The following ANGPT2 variants were observed in gnomAD, a reference collection of about 807,000 sequenced individuals.
ANGPT2 encodes angiopoietin-2.
ANGPT2 carries 28 observed loss-of-function variants against 62.9 expected under a neutral mutation model. The ratio of observed to expected loss-of-function variants is 0.44; its 90% confidence interval spans 0.33 to 0.61. The LOEUF (loss-of-function observed/expected upper bound fraction) is 0.61. Ranked by LOEUF, ANGPT2 falls within the 20% of genes least tolerant of loss-of-function variation. ANGPT2 has a pLI of 0.03. For synonymous variants in ANGPT2, 284 were observed against 207.8 expected, an observed-to-expected ratio of 1.37 and a Z score of -3.15; for missense variants, 727 against 594.9, an observed-to-expected ratio of 1.22 and a Z score of -2.31.
At chr8:6,550,424 G>T (rs919445259) in intron 1 of ANGPT2, among the ~76,000 whole-genome samples, 1 of 152,220 alleles carries the variant, frequency 6.6e-6, no homozygotes, top group Non-Finnish European at 1.5e-5. Context: ...GCCGCTTGTT[G>T]CCCTGGCACC....
chr8:6,542,129 TG>T (rs1336253545), intron 1 of ANGPT2, among the ~76,000 whole-genome samples: 9 of 152,270 alleles, frequency 5.9e-5, no homozygotes, highest in Admixed American at 5.9e-4. Flanking sequence ...CCTTTTTAAA[TG>T]AAACTAGAGC....
At chr8:6,529,519 T>C (rs1351208391) in intron 2 of ANGPT2, among the ~76,000 whole-genome samples, 5 of 151,120 alleles carry the variant, frequency 3.3e-5, no homozygotes, top group Middle Eastern at 3.4e-3. Context: ...TGGCACCATA[T>C]CTGTTCACTA....
intron 1 of ANGPT2, among the ~76,000 whole-genome samples, chr8:6,560,213 T>C (rs568472766): frequency 4.6e-5 from 7 of 152,316 alleles, no homozygotes; most frequent in South Asian, 2.1e-4. Flanking sequence ...AAAGGAGATA[T>C]GGAAACATTT....
Position 6,563,069 on chromosome 8 carries a change from T to G in ANGPT2, c.-135A>C. The G allele has an allele frequency of 1.0e-6, 1 of 953,578 alleles. No individual in the cohort carries two copies. Among genetic ancestry groups the G allele is most frequent in the Non-Finnish European group, 1.5e-6 (1 of 663,070 alleles). 59.1% of individuals were successfully genotyped at this position (953,578 alleles called of 1,614,324 possible). ...GGTCCGTCAATGAAAGTCTTCTCTTTCCTCTTTTTCCAGTAGCAAACCTGG... is the reference window on the plus strand; with the variant it reads ...GGTCCGTCAATGAAAGTCTTCTCTTGCCTCTTTTTCCAGTAGCAAACCTGG... On this transcript the variant is annotated 5_prime_UTR_variant, in exon 1 of 9. Transcript: ENST00000629816.
chr8:6,544,732 A>G (rs1036918573), intron 1 of ANGPT2, among the ~76,000 whole-genome samples: 6 of 152,206 alleles, frequency 3.9e-5, no homozygotes, highest in Non-Finnish European at 5.9e-5. Flanking sequence ...CATTAAGATA[A>G]AGACACAGAT....
intron 1 of ANGPT2, among the ~76,000 whole-genome samples, chr8:6,550,220 T>C (rs1823388006): frequency 6.6e-6 from 1 of 152,206 alleles, no homozygotes; most frequent in Non-Finnish European, 1.5e-5. Context: ...TGGCTACCGC[T>C]AGGTGGCTGC....
chr8:6,553,203 G>T (rs535727961), intron 1 of ANGPT2, among the ~76,000 whole-genome samples: 20 of 152,296 alleles, frequency 1.3e-4, no homozygotes, highest in Middle Eastern at 3.4e-3. Context: ...TGCCACGGAG[G>T]GGGGATATGG....
At chr8:6,538,169 C>G (rs1000390548) in intron 1 of ANGPT2, among the ~76,000 whole-genome samples, 17 of 151,732 alleles carry the variant, frequency 1.1e-4, no homozygotes, top group African/African-American at 3.9e-4. Flanking sequence ...TCTAGTAAAC[C>G]CTTGAATTTT....
chr8:6,541,714 GA>G (rs1821608202), intron 1 of ANGPT2, among the ~76,000 whole-genome samples: 2 of 152,144 alleles, frequency 1.3e-5, no homozygotes, highest in Admixed American at 1.3e-4. Flanking sequence ...AAACTGTACT[GA>G]ATGTAGGGCC....
intron 2 of ANGPT2, among the ~76,000 whole-genome samples, chr8:6,530,773 A>G (rs1819347892): frequency 1.3e-5 from 2 of 152,096 alleles, no homozygotes; most frequent in African/African-American, 4.8e-5. Flanking sequence ...TCTTTTGTTA[A>G]TCTATCATTT....
intron 1 of ANGPT2, among the ~76,000 whole-genome samples, chr8:6,557,346 A>G (rs541228861): frequency 6.6e-6 from 1 of 152,248 alleles, no homozygotes; most frequent in South Asian, 2.1e-4. Context: ...TGTACTAGAG[A>G]TATTCTCGGG....
At chr8:6,548,846 T>A (rs1181685842) in intron 1 of ANGPT2, among the ~76,000 whole-genome samples, 1 of 152,216 alleles carries the variant, frequency 6.6e-6, no homozygotes, top group Middle Eastern at 3.2e-3. Context: ...GTCCTTCCTT[T>A]TATTCCCACC....
chr8:6,561,645 G>A (rs115683203), intron 1 of ANGPT2, among the ~76,000 whole-genome samples: 2 of 152,348 alleles, frequency 1.3e-5, no homozygotes, highest in African/African-American at 4.8e-5. Context: ...GCATTGTGAT[G>A]TAATGGCATC....
intron 1 of ANGPT2, among the ~76,000 whole-genome samples, chr8:6,535,284 T>C (rs1373613117): frequency 1.3e-5 from 2 of 152,178 alleles, no homozygotes; most frequent in African/African-American, 2.4e-5. Context: ...TCCAGAGATA[T>C]GAGAGGATTG....
chr8:6,549,819 A>C lies in ANGPT2; in HGVS notation c.288+12828T>G, dbSNP rs1005350479. On this transcript the variant is annotated intron_variant, in intron 1 of 8. Coordinates refer to ENST00000629816, the MANE Select transcript of ANGPT2 (RefSeq NM_001118887.2). ...ATTGCACAGGTGCGCACAGATACAA[A>C]AATTTACCAAGTTGTACACTCAAGA... 1.9e-4 allele frequency among the ~76,000 whole-genome samples: 29 copies of C among 152,238 alleles called. 1 individual carries two copies. Among genetic ancestry groups the C allele is most frequent in the African/African-American group, 6.8e-4 (28 of 41,462 alleles).
At position 6,558,302 on chromosome 8, in the gene ANGPT2, C is replaced by T. The variant is rs561024326; in HGVS notation, c.288+4345G>A. Among the ~76,000 whole-genome samples, 15 of 152,094 alleles carry T rather than the reference C, an allele frequency of 9.9e-5. 1 individual carries two copies. The highest frequency in any genetic ancestry group is 1.9e-4 in the East Asian group (1 of 5,196). ...GGAAAGAGAATCTACTTCCTATTTC[C>T]ACCATTTTAATAGCCTGACATATTT... On this transcript the variant is annotated intron_variant, in intron 1 of 8. Coordinates refer to ENST00000629816, the MANE Select transcript of ANGPT2 (RefSeq NM_001118887.2).
At chr8:6,543,423 AAC>A (rs1821963354) in intron 1 of ANGPT2, among the ~76,000 whole-genome samples, 1 of 152,048 alleles carries the variant, frequency 6.6e-6, no homozygotes, top group Non-Finnish European at 1.5e-5. Context: ...AATGGATGCA[AAC>A]ACACATTTCC....
intron 1 of ANGPT2, among the ~76,000 whole-genome samples, chr8:6,537,135 G>A (rs1353793415): frequency 1.3e-5 from 2 of 152,044 alleles, no homozygotes; most frequent in Admixed American, 6.5e-5. Context: ...GAGGGGACCC[G>A]GCTCTTTCCA....
At chr8:6,543,893 C>T (rs967919911) in intron 1 of ANGPT2, among the ~76,000 whole-genome samples, 6 of 152,206 alleles carry the variant, frequency 3.9e-5, no homozygotes, top group Admixed American at 6.5e-5. Flanking sequence ...GCTGAAAGGG[C>T]GCAATCTTTT....
Sources: allele counts gnomAD v4.1 joint callset (sites outside exome capture counted in the v4.1 genomes callset), GRCh38; gene constraint gnomAD v4.1.1; transcripts MANE v1.5; gene names NCBI Gene and HGNC (gene_info 2026-07-23, HGNC 2026-07-21).